Variants in VPS53 observed in about 807,000 individuals in gnomAD.
VPS53 encodes vacuolar protein sorting-associated protein 53 homolog.
A neutral mutation model predicts 107.0 loss-of-function variants in VPS53; 70 were observed. That is an observed-to-expected ratio of 0.65 (90% CI 0.54 to 0.80). VPS53 has a LOEUF of 0.80. Ranked by LOEUF, VPS53 falls within the 30% of genes least tolerant of loss-of-function variation. The probability of loss-of-function intolerance (pLI) is 0.00; values close to 1 mark genes in which losing one functional copy is unlikely to be tolerated. For synonymous variants in VPS53, 409 were observed against 393.3 expected (o/e 1.04, Z -0.47); for missense variants, 917 against 1,049.4 (o/e 0.87, Z 1.74).
At chr17:567,146 A>C (rs1042394375) in intron 13 of VPS53, among the ~76,000 whole-genome samples, 2 of 152,206 alleles carry the variant, frequency 1.3e-5, no homozygotes, top group Admixed American at 6.5e-5. Flanking sequence ...ATACTTACTT[A>C]CTTGCTTCCT....
chr17:574,696 T>C (rs1258689484), intron 13 of VPS53, among the ~76,000 whole-genome samples: 2 of 152,070 alleles, frequency 1.3e-5, no homozygotes, highest in Non-Finnish European at 2.9e-5. Flanking sequence ...ACCCAGGAGG[T>C]TGAGGCTACA....
At chr17:661,381 C>T (rs378590) in intron 5 of VPS53, among the ~76,000 whole-genome samples, 52,588 of 151,206 alleles carry the variant, frequency 0.35, 10,946 homozygotes, top group Non-Finnish European at 0.47. Context: ...ATTAGCCGGG[C>T]GTGGTGGCAG....
chr17:630,312 C>CAAACA (rs1465115375), intron 8 of VPS53, among the ~76,000 whole-genome samples: 2 of 144,188 alleles, frequency 1.4e-5, no homozygotes, highest in African/African-American at 5.1e-5. Context: ...AACAAACAAA[C>CAAACA]AAAAAAAAAA....
intron 13 of VPS53, among the ~76,000 whole-genome samples, chr17:582,335 C>T (rs889062381): frequency 6.7e-6 from 1 of 148,850 alleles, no homozygotes; most frequent in East Asian, 2.3e-4. Flanking sequence ...TCCCAGAGAA[C>T]CTCCCTCAGA....
chr17:597,496 A>G lies in VPS53; in HGVS notation c.1218+4299T>C, dbSNP rs117330842. Among the ~76,000 whole-genome samples the G allele has an allele frequency of 4.9e-3, 746 of 152,258 alleles. 7 individuals carry two copies. The highest frequency in any genetic ancestry group is 8.1e-3 in the East Asian group (42 of 5,184). The stretch of plus-strand genomic sequence containing the variant: ...TCACTGGCATGTAAGTGTTATTACT[A>G]ATCAGTAATAGCCCATGAAATGGTG... On this transcript the variant is annotated intron_variant, in intron 12 of 21. Coordinates refer to ENST00000437048, the MANE Select transcript of VPS53 (RefSeq NM_001128159.3).
At chr17:667,663 G>T (rs1046642771) in intron 4 of VPS53, among the ~76,000 whole-genome samples, 2 of 138,322 alleles carry the variant, frequency 1.4e-5, no homozygotes, top group African/African-American at 2.6e-5. Context: ...TCTGGGGGGG[G>T]GGGCAATGGG....
At chr17:711,223 C>G (rs1010269375) in intron 1 of VPS53, among the ~76,000 whole-genome samples, 2 of 152,102 alleles carry the variant, frequency 1.3e-5, no homozygotes, top group Non-Finnish European at 2.9e-5. Context: ...AACAGTCCAC[C>G]TCTAAGACAT....
In VPS53 at chr17:518,243, G is replaced by A. The variant is rs1371253692; in HGVS notation, c.*885C>T. The stretch of plus-strand genomic sequence containing the variant: ...ATGAGAGGTCGGGAGCAGTCTCTTC[G>A]GCAAGCCCTGCTGCAGAGAGCCCGC... On this transcript the variant is annotated 3_prime_UTR_variant, in exon 22 of 22. Coordinates refer to ENST00000437048, the MANE Select transcript of VPS53 (RefSeq NM_001128159.3). 1 of 149,918 alleles carries A rather than the reference G, an allele frequency of 6.7e-6. No homozygotes were observed. Among genetic ancestry groups the A allele is most frequent in the Non-Finnish European group, 1.5e-5 (1 of 67,256 alleles). 9.3% of individuals were successfully genotyped at this position (149,918 alleles called of 1,614,324 possible).
rs1045457870 is a variant in VPS53, at chr17:645,016, T to C, written c.608+8275A>G. Among the ~76,000 whole-genome samples, 9 of 152,222 alleles carry C rather than the reference T, an allele frequency of 5.9e-5. No homozygotes were observed. In the East Asian group the frequency reaches 1.7e-3, roughly 29 times the overall value. On this transcript the variant is annotated intron_variant, in intron 7 of 21. Transcript: ENST00000437048. ...AGCAACCTTATGTGATAATGAATGT[T>C]TGGAGCACTGAAATATATTCATAGA...
intron 13 of VPS53, among the ~76,000 whole-genome samples, chr17:571,350 G>A (rs952164494): frequency 5.9e-5 from 9 of 152,172 alleles, no homozygotes; most frequent in Non-Finnish European, 1.2e-4. Context: ...TGTGCATTAC[G>A]TGTGTGGGGG....
Position 551,166 on chromosome 17 carries a change from C to T in VPS53, c.1866+706G>A, listed in dbSNP as rs1427990787. On this transcript the variant is annotated intron_variant, in intron 17 of 21. Coordinates refer to ENST00000437048, the MANE Select transcript of VPS53 (RefSeq NM_001128159.3). Reference sequence around the variant, plus strand: ...ATAAAAGAGGGGTGAAAGACATGGTCTGTGCACTTACGGAATTGACATTCA... The same window carrying T: ...ATAAAAGAGGGGTGAAAGACATGGTTTGTGCACTTACGGAATTGACATTCA... Among the ~76,000 whole-genome samples, 4 of 152,010 alleles carry T rather than the reference C, an allele frequency of 2.6e-5. No individual in the cohort carries two copies. The East Asian group carries it at 7.7e-4, about 29-fold the overall frequency.
intron 4 of VPS53, among the ~76,000 whole-genome samples, chr17:695,587 T>C (rs1381104270): frequency 6.6e-6 from 1 of 152,020 alleles, no homozygotes; most frequent in Non-Finnish European, 1.5e-5. Flanking sequence ...TCTCACTCTG[T>C]TTCCCAGGCT....
intron 17 of VPS53, 88 bp downstream of exon 17, chr17:551,784 A>G: frequency 1.7e-6 from 2 of 1,189,720 alleles, no homozygotes; most frequent in Non-Finnish European, 2.3e-6. Flanking sequence ...CGCTCCGATG[A>G]GCCTGGAGAA....
chr17:560,319 C>T, intron 15 of VPS53, 107 bp downstream of exon 15: 1 of 1,423,232 alleles, frequency 7.0e-7, no homozygotes, highest in South Asian at 1.5e-5. Flanking sequence ...TGGTCTGACC[C>T]AAGGTTGTCT....
chr17:628,053 A>C (rs757498680), intron 9 of VPS53, 35 bp downstream of exon 9: 2 of 1,583,860 alleles, frequency 1.3e-6, no homozygotes. Context: ...ATAAAATTCA[A>C]ATGTTACATC....
intron 4 of VPS53, chr17:674,998 T>C (rs1305199422): frequency 6.6e-6 from 1 of 152,202 alleles, no homozygotes; most frequent in East Asian, 1.9e-4. Context: ...AAGGTAAACA[T>C]TTATAGTGTA....
At chr17:655,714 A>T in intron 6 of VPS53, 124 bp downstream of exon 6, 1 of 870,308 alleles carries the variant, frequency 1.1e-6, no homozygotes, top group Non-Finnish European at 1.7e-6. Context: ...ACTTGAAGCC[A>T]ATTTGCAGAA....
intron 7 of VPS53, among the ~76,000 whole-genome samples, chr17:640,477 G>A (rs1205662758): frequency 3.3e-5 from 5 of 152,060 alleles, no homozygotes; most frequent in Admixed American, 6.6e-5. Context: ...GAAATCACCC[G>A]TCTTCTGCGT....
At chr17:661,061 T>A (rs1018532743) in intron 5 of VPS53, among the ~76,000 whole-genome samples, 2 of 151,764 alleles carry the variant, frequency 1.3e-5, no homozygotes, top group African/African-American at 4.8e-5. Context: ...GGCGGGGACA[T>A]CCCTCCTCCC....
Sources: gnomAD v4.1 joint callset for allele counts (sites outside exome capture counted in the v4.1 genomes callset) on GRCh38, gnomAD v4.1.1 for gene constraint, MANE v1.5 for transcripts, NCBI Gene and HGNC (gene_info 2026-07-23, HGNC 2026-07-21) for gene names.